Variants in GUCY1A2 observed in about 807,000 individuals in gnomAD.
GUCY1A2 encodes the protein guanylate cyclase soluble subunit alpha-2.
GUCY1A2 carries 27 observed loss-of-function variants against 63.5 expected under a neutral mutation model. The ratio of observed to expected loss-of-function variants is 0.43; its 90% CI spans 0.31 to 0.59. GUCY1A2 has a LOEUF of 0.59. Among genes scored for constraint, GUCY1A2 ranks in the 20% least tolerant of loss-of-function variants. GUCY1A2 has a pLI of 0.11. For synonymous variants in GUCY1A2, 364 were observed against 343.5 expected (o/e 1.06, Z -0.66); for missense variants, 768 against 913.3 (o/e 0.84, Z 2.05).
At chr11:106,827,018 T>C in intron 4 of GUCY1A2, 1 of 1,605,206 alleles carries the variant, frequency 6.2e-7, no homozygotes, top group Non-Finnish European at 8.5e-7. Flanking sequence ...CACATCTCTG[T>C]ATTAGTTGTA....
chr11:106,762,908 A>C (rs1329007652), intron 6 of GUCY1A2, among the ~76,000 whole-genome samples: 2 of 152,074 alleles, frequency 1.3e-5, no homozygotes, highest in Non-Finnish European at 2.9e-5. Flanking sequence ...ACTAATTTTT[A>C]GCCAATAAAA....
At chr11:106,870,022 G>A (rs573953813) in intron 4 of GUCY1A2, among the ~76,000 whole-genome samples, 11 of 147,524 alleles carry the variant, frequency 7.5e-5, no homozygotes, top group East Asian at 4.1e-4. Context: ...ACCAAACACC[G>A]CATGTTCTCA....
At chr11:107,000,395 T>C (rs546815766) in intron 1 of GUCY1A2, among the ~76,000 whole-genome samples, 41 of 152,346 alleles carry the variant, frequency 2.7e-4, no homozygotes, top group African/African-American at 9.1e-4. Flanking sequence ...GGTTTACTCT[T>C]TCCCTCCATC....
intron 3 of GUCY1A2, among the ~76,000 whole-genome samples, chr11:106,960,332 G>A (rs1447277627): frequency 1.3e-5 from 2 of 152,128 alleles, no homozygotes; most frequent in East Asian, 3.9e-4. Context: ...TAAGCCATAA[G>A]TCCAAGTGTA....
In GUCY1A2 at chr11:106,985,770, A is replaced by T. The variant is rs1861393276; in HGVS notation, c.365+300T>A. 2.6e-5 allele frequency among the ~76,000 whole-genome samples: 4 copies of T among 152,252 alleles called. No homozygotes were observed. The South Asian group carries it at 8.3e-4, about 31-fold the overall frequency. ...TGGTACCAATAAAGCTCACCACATT[A>T]GTAAGGCATAATTATATGATTCAAC... On this transcript the variant is annotated intron_variant, in intron 2 of 7. Transcript: ENST00000526355.
At chr11:106,815,343 G>A (rs1288290869) in intron 4 of GUCY1A2, among the ~76,000 whole-genome samples, 1 of 151,956 alleles carries the variant, frequency 6.6e-6, no homozygotes, top group Non-Finnish European at 1.5e-5. Flanking sequence ...AGGGGAGAGT[G>A]AGGTTGAAAT....
intron 1 of GUCY1A2, among the ~76,000 whole-genome samples, chr11:107,008,151 C>A (rs774610903): frequency 2.0e-5 from 3 of 149,118 alleles, no homozygotes; most frequent in Non-Finnish European, 4.4e-5. Flanking sequence ...TGGTGGCATG[C>A]GCCTGTAATT....
chr11:106,968,716 T>G (rs1305529859), intron 3 of GUCY1A2, among the ~76,000 whole-genome samples: 1 of 3,586 alleles, frequency 2.8e-4, no homozygotes, highest in Non-Finnish European at 5.2e-4. Context: ...AAATGAAGCC[T>G]AGTCCTCACA....
At position 106,708,543 on chromosome 11, in the gene GUCY1A2, G is replaced by T. The variant is rs764594827; in HGVS notation, c.1960C>A (p.Arg654=). The T allele has an allele frequency of 6.2e-7, 1 of 1,612,572 alleles. No homozygotes were observed. The highest frequency in any genetic ancestry group is 8.5e-7 in the Non-Finnish European group (1 of 1,179,090). The stretch of plus-strand genomic sequence containing the variant: ...GTGGTTGGGCTGACATTGATGCGCC[G>T]AGGGTGACTTCCCGACTCGAATTTG... The part of the protein sequence containing the change: ...ASKFESGSHP[R]RINVSPTTYQ... The change falls in exon 7 of 8, where the codon CGG becomes AGG. Residue 654 remains arginine (R), a synonymous_variant. Transcript: ENST00000526355.
At chr11:106,989,172 C>G (rs1027283279) in intron 1 of GUCY1A2, among the ~76,000 whole-genome samples, 1 of 152,134 alleles carries the variant, frequency 6.6e-6, no homozygotes, top group African/African-American at 2.4e-5. Flanking sequence ...TTCTACAGGC[C>G]AAGATCCCAG....
intron 4 of GUCY1A2, among the ~76,000 whole-genome samples, chr11:106,852,240 A>T (rs1412348026): frequency 6.6e-6 from 1 of 151,944 alleles, no homozygotes; most frequent in East Asian, 1.9e-4. Context: ...CTTATATACA[A>T]GATCATGTTG....
chr11:106,930,061 G>T lies in GUCY1A2; in HGVS notation c.1206+9399C>A, dbSNP rs987068420. The stretch of plus-strand genomic sequence containing the variant: ...ACTAAAATTTAACAAAAGGAGTAAG[G>T]CTTAGTCAAAACTAAGGATTAAAAA... On this transcript the variant is annotated intron_variant, in intron 4 of 7. Transcript: ENST00000526355. 2.0e-5 allele frequency among the ~76,000 whole-genome samples: 3 copies of T among 152,134 alleles called. No homozygotes were observed. In the East Asian group the frequency reaches 5.8e-4, roughly 29 times the overall value.
At chr11:106,741,372 C>T in intron 6 of GUCY1A2, among the ~76,000 whole-genome samples, 1 of 152,168 alleles carries the variant, frequency 6.6e-6, no homozygotes, top group Non-Finnish European at 1.5e-5. Context: ...TGGACAGCAG[C>T]TCTGGAGCTG....
At chr11:106,924,366 C>T (rs1398622881) in intron 4 of GUCY1A2, among the ~76,000 whole-genome samples, 3 of 152,140 alleles carry the variant, frequency 2.0e-5, no homozygotes, top group Admixed American at 2.0e-4. Flanking sequence ...AAAATTGATC[C>T]TAGACTCCAT....
chr11:106,757,250 C>A (rs11211897), intron 6 of GUCY1A2, among the ~76,000 whole-genome samples: 70,257 of 151,850 alleles, frequency 0.46, 18,418 homozygotes, highest in African/African-American at 0.72. Flanking sequence ...CCATTCCTCT[C>A]ATCTTTTTCC....
At chr11:106,781,113 A>C (rs1391298961) in intron 5 of GUCY1A2, among the ~76,000 whole-genome samples, 1 of 44,968 alleles carries the variant, frequency 2.2e-5, no homozygotes, top group Non-Finnish European at 4.3e-5. Flanking sequence ...AACAGACTAC[A>C]AAAAAAAAAA....
At chr11:106,712,656 T>C (rs558710165) in intron 6 of GUCY1A2, among the ~76,000 whole-genome samples, 1 of 152,140 alleles carries the variant, frequency 6.6e-6, no homozygotes, top group Non-Finnish European at 1.5e-5. Flanking sequence ...TTGGAAAAAA[T>C]TTGTTCCTTT....
intron 4 of GUCY1A2, chr11:106,826,301 T>A (rs1858970066): frequency 1.1e-6 from 1 of 937,848 alleles, no homozygotes; most frequent in Non-Finnish European, 1.6e-6. Flanking sequence ...AGTGTGGTCA[T>A]CATTAACTCA....
intron 7 of GUCY1A2, among the ~76,000 whole-genome samples, chr11:106,699,367 G>C (rs1862777832): frequency 6.6e-6 from 1 of 152,162 alleles, no homozygotes; most frequent in African/African-American, 2.4e-5. Flanking sequence ...TAGTATTTTA[G>C]ATAATGTGGA....
Sources: allele counts gnomAD v4.1 joint callset (sites outside exome capture counted in the v4.1 genomes callset), GRCh38; gene constraint gnomAD v4.1.1; transcripts MANE v1.5; gene names NCBI Gene and HGNC (gene_info 2026-07-23, HGNC 2026-07-21).